Variants in SNRNP27 observed in about 807,000 individuals in gnomAD.
The protein encoded by SNRNP27 is U4/U6.U5 small nuclear ribonucleoprotein 27 kDa protein.
Under a neutral mutation model 25.1 loss-of-function variants are expected in SNRNP27, and 22 were observed. The ratio of observed to expected loss-of-function variants is 0.88; its 90% CI spans 0.63 to 1.25. The LOEUF (loss-of-function observed/expected upper bound fraction) is 1.25. Among genes scored for constraint, SNRNP27 ranks in the 50% most tolerant of loss-of-function variants. The probability of loss-of-function intolerance (pLI) is 0.00; values close to 1 mark genes in which losing one functional copy is unlikely to be tolerated. For missense variants in SNRNP27, 150 were observed against 202.3 expected, an observed-to-expected ratio of 0.74 and a Z score of 1.57; for synonymous variants, 66 against 64.9, an observed-to-expected ratio of 1.02 and a Z score of -0.08.
Position 69,896,509 on chromosome 2 carries a change from GAAAC to G in SNRNP27, c.233_236del (p.Thr78LysfsTer15), listed in dbSNP as rs1250453424. 1.9e-6 allele frequency: 3 copies of G among 1,607,292 alleles called. No individual in the cohort carries two copies. Among genetic ancestry groups the G allele is most frequent in the Non-Finnish European group, 1.7e-6 (2 of 1,175,954 alleles). On this transcript the variant is annotated frameshift_variant, in exon 3 of 6. Transcript: ENST00000244227. LOFTEE classifies it high-confidence loss of function. ...AGAAAGAAGAGATGAGGAAAAGAAA[GAAAC>G]AAAAGAAACAAAGAGCAAAGAACGG... is the stretch of plus-strand genomic sequence containing the variant.
chr2:69,900,933 T>C (rs557960354), intron 4 of SNRNP27, among the ~76,000 whole-genome samples: 58 of 152,194 alleles, frequency 3.8e-4, no homozygotes, highest in African/African-American at 1.4e-3. Flanking sequence ...TCCCAGCACT[T>C]TGGGAGGCCG....
In SNRNP27 at chr2:69,895,122, G is replaced by A. The variant is rs200831065; in HGVS notation, c.63G>A (p.Arg21=). ...GTAGGCGTTCCCGGTCCACATCCCG[G>A]GAGAGAGAACGCAGGCGCCGAGAAA... ...RERRRSRSTS[R]ERERRRRERS... is the part of the protein sequence containing the mutation. The change falls in exon 2 of 6, where the codon CGG becomes CGA. Residue 21 remains arginine, a synonymous_variant. Transcript: ENST00000244227. The A allele has an allele frequency of 2.0e-5, 32 of 1,613,722 alleles. No individual in the cohort carries two copies. The highest frequency in any genetic ancestry group is 1.0e-5 in the Non-Finnish European group (12 of 1,179,944).
Position 69,903,313 on chromosome 2 carries a change from G to A in SNRNP27, c.413+68G>A, listed in dbSNP as rs1426324140. The A allele has an allele frequency of 1.6e-5, 17 of 1,092,440 alleles. No individual in the cohort carries two copies. In the South Asian group the frequency reaches 1.6e-4, roughly 11 times the overall value. 67.7% of individuals were successfully genotyped at this position (1,092,440 alleles called of 1,614,324 possible). Reference sequence around the variant, plus strand: ...TTTTTTACTTCAAACTTTATTATGAGATAATCATGTTTGTAGGAAATGTAG... The same window carrying A: ...TTTTTTACTTCAAACTTTATTATGAAATAATCATGTTTGTAGGAAATGTAG... On this transcript the variant is annotated intron_variant, in intron 5 of 5. Transcript: ENST00000244227.
intron 4 of SNRNP27, among the ~76,000 whole-genome samples, chr2:69,901,929 G>A (rs1231224052): frequency 6.6e-6 from 1 of 152,210 alleles, no homozygotes; most frequent in Non-Finnish European, 1.5e-5. Flanking sequence ...TATTAGCTAA[G>A]GTTGTAAGTT....
intron 2 of SNRNP27, among the ~76,000 whole-genome samples, chr2:69,895,771 A>G (rs1374952793): frequency 2.0e-5 from 3 of 152,184 alleles, no homozygotes; most frequent in Non-Finnish European, 4.4e-5. Flanking sequence ...CGTGTTAGCC[A>G]GGATGGTCTT....
At position 69,904,352 on chromosome 2, in the gene SNRNP27, T is replaced by A. The variant is rs1211426969; in HGVS notation, c.*44T>A. Reference sequence around the variant, plus strand: ...ATGATTTTTTTTCCCCTCATCTTGGTCAGAGAGTGGATTTTGTATTTTGTA... The same window carrying A: ...ATGATTTTTTTTCCCCTCATCTTGGACAGAGAGTGGATTTTGTATTTTGTA... On this transcript the variant is annotated 3_prime_UTR_variant, in exon 6 of 6. Transcript: ENST00000244227. The A allele has an allele frequency of 7.0e-7, 1 of 1,436,184 alleles. No homozygotes were observed. The highest frequency in any genetic ancestry group is 9.8e-7 in the Non-Finnish European group (1 of 1,021,168). The allele number at this position is 1,436,184 out of a possible 1,614,324, so 89.0% of individuals were successfully genotyped here.
At position 69,904,349 on chromosome 2, in the gene SNRNP27, T is replaced by C; in HGVS notation, c.*41T>C. 6.8e-7 allele frequency: 1 copy of C among 1,478,848 alleles called. No individual in the cohort carries two copies. Among genetic ancestry groups the C allele is most frequent in the South Asian group, 1.1e-5 (1 of 87,434 alleles). The allele number at this position is 1,478,848 out of a possible 1,614,324, so 91.6% of individuals were successfully genotyped here. ...AGGATGATTTTTTTTCCCCTCATCT[T>C]GGTCAGAGAGTGGATTTTGTATTTT... On this transcript the variant is annotated 3_prime_UTR_variant, in exon 6 of 6. Coordinates refer to ENST00000244227, the MANE Select transcript of SNRNP27 (RefSeq NM_006857.3).
rs752256912 is a variant in SNRNP27 at position 69,893,957 on chromosome 2, C to A, written c.-28C>A. 1 of 1,613,504 alleles carries A rather than the reference C, an allele frequency of 6.2e-7. No homozygotes were observed. The highest frequency in any genetic ancestry group is 8.5e-7 in the Non-Finnish European group (1 of 1,179,506). On this transcript the variant is annotated 5_prime_UTR_variant, in exon 1 of 6. Transcript: ENST00000244227. Reference sequence around the variant, plus strand: ...CCCGGCCCTCCCGGAAGTTGTTGCACAGTTGTTTCCGGGAAGCGGGACTCC... The same window carrying A: ...CCCGGCCCTCCCGGAAGTTGTTGCAAAGTTGTTTCCGGGAAGCGGGACTCC...
intron 2 of SNRNP27, among the ~76,000 whole-genome samples, chr2:69,896,004 C>G (rs1017658478): frequency 6.7e-6 from 1 of 148,778 alleles, no homozygotes; most frequent in Non-Finnish European, 1.5e-5. Context: ...AGAGGGTCTC[C>G]CTGTGTTGCC....
rs1051850686 is a variant in SNRNP27 at position 69,899,995 on chromosome 2, T to A, written c.348+2539T>A. Among the ~76,000 whole-genome samples, 18 of 152,006 alleles carry A rather than the reference T, an allele frequency of 1.2e-4. No homozygotes were observed. The South Asian group carries it at 1.2e-3, about 11-fold the overall frequency. On this transcript the variant is annotated intron_variant, in intron 4 of 5. Coordinates refer to ENST00000244227, the MANE Select transcript of SNRNP27 (RefSeq NM_006857.3). ...TCCTGCCTCAGTCCATTTTTTTTTT[T>A]TTATTTTTGAAGAGACAGAGTCTTC...
chr2:69,899,385 T>C (rs897954314), intron 4 of SNRNP27, among the ~76,000 whole-genome samples: 2 of 152,146 alleles, frequency 1.3e-5, no homozygotes, highest in Non-Finnish European at 2.9e-5. Context: ...CCATTTTCCT[T>C]TCTATTTGAT....
chr2:69,894,473 A>G (rs531721443), intron 1 of SNRNP27, among the ~76,000 whole-genome samples: 1 of 152,202 alleles, frequency 6.6e-6, no homozygotes, highest in African/African-American at 2.4e-5. Flanking sequence ...CCTGGTTCTT[A>G]AATACTTAAT....
At chr2:69,899,372 C>A (rs1177790448) in intron 4 of SNRNP27, among the ~76,000 whole-genome samples, 1 of 152,004 alleles carries the variant, frequency 6.6e-6, no homozygotes, top group Non-Finnish European at 1.5e-5. Flanking sequence ...CCAGTATAGT[C>A]ACCCATTTTC....
At chr2:69,899,537 C>G (rs1676658689) in intron 4 of SNRNP27, among the ~76,000 whole-genome samples, 1 of 152,172 alleles carries the variant, frequency 6.6e-6, no homozygotes, top group South Asian at 2.1e-4. Flanking sequence ...TCAACCGATT[C>G]TCCTGCCTTG....
chr2:69,895,020 T>A, intron 1 of SNRNP27, 74 bp from the exon 2 acceptor site: 1 of 1,583,240 alleles, frequency 6.3e-7, no homozygotes, highest in African/African-American at 1.4e-5. Context: ...TTTGCATTAT[T>A]TTTCTACTGG....
intron 4 of SNRNP27, among the ~76,000 whole-genome samples, chr2:69,900,085 G>A (rs1222865401): frequency 6.6e-6 from 1 of 151,912 alleles, no homozygotes; most frequent in African/African-American, 2.4e-5. Context: ...AGCCTCCCAA[G>A]TAGCTGGGAC....
In SNRNP27 at chr2:69,902,938, C is replaced by CTTTTT. The variant is rs761833954; in HGVS notation, c.349-225_349-221dup. On this transcript the variant is annotated intron_variant, in intron 4 of 5. Coordinates refer to ENST00000244227, the MANE Select transcript of SNRNP27 (RefSeq NM_006857.3). ...TCCTTTCTCCTCCTTTCTTCTTCTT[C>CTTTTT]TTTTTTTTTTTTTTTTTTTTTTGAG... Among the ~76,000 whole-genome samples the CTTTTT allele has an allele frequency of 3.9e-3, 360 of 92,368 alleles. 3 individuals are homozygous for CTTTTT. The highest frequency in any genetic ancestry group is 6.9e-3 in the African/African-American group (144 of 20,742). The allele number at this position is 92,368 out of a possible 152,430, so 60.6% of individuals were successfully genotyped here.
intron 4 of SNRNP27, among the ~76,000 whole-genome samples, chr2:69,898,871 A>C (rs1676645893): frequency 6.6e-6 from 1 of 152,182 alleles, no homozygotes; most frequent in African/African-American, 2.4e-5. Flanking sequence ...TTATAAATGA[A>C]AGTTTATTAA....
In SNRNP27 at chr2:69,903,172, T is replaced by C. The variant is rs1329223645; in HGVS notation, c.349-9T>C. On this transcript the variant is annotated splice_polypyrimidine_tract_variant and intron_variant, in intron 4 of 5. Transcript: ENST00000244227. ...GTTTTTTGTCTGTTTGTTTATTGTT[T>C]TTCTTCAGGGTAAGAAGGTGGATGG... is the stretch of plus-strand genomic sequence containing the variant. 2 of 1,609,772 alleles carry C rather than the reference T, an allele frequency of 1.2e-6. No individual in the cohort carries two copies. Among genetic ancestry groups the C allele is most frequent in the Non-Finnish European group, 1.7e-6 (2 of 1,176,054 alleles).
Sources: allele counts gnomAD v4.1 joint callset (sites outside exome capture counted in the v4.1 genomes callset), GRCh38; gene constraint gnomAD v4.1.1; transcripts MANE v1.5; gene names NCBI Gene and HGNC (gene_info 2026-07-23, HGNC 2026-07-21).